The following MAST4 variants were observed in gnomAD, a reference collection of about 807,000 sequenced individuals.
The protein encoded by MAST4 is microtubule-associated serine/threonine-protein kinase 4.
A neutral mutation model predicts 162.7 loss-of-function variants in MAST4; 89 were observed. The ratio of observed to expected loss-of-function variants is 0.55; its 90% CI spans 0.46 to 0.65. MAST4 has a LOEUF of 0.65. MAST4 is among the 30% of genes least tolerant of loss of function. MAST4 has a pLI of 0.00. For synonymous variants in MAST4, 1,479 were observed against 1,361.1 expected (o/e 1.09, Z -1.91); for missense variants, 3,153 against 3,374.0 (o/e 0.93, Z 1.62).
chr5:67,114,264 G>A (rs763890443), intron 12 of MAST4, 45 bp downstream of exon 12: 22 of 1,577,322 alleles, frequency 1.4e-5, no homozygotes, highest in Non-Finnish European at 1.6e-5. Flanking sequence ...CTTATGCACT[G>A]TCGCCTCATA....
At chr5:66,915,849 T>C (rs1764082540) in intron 4 of MAST4, among the ~76,000 whole-genome samples, 1 of 152,206 alleles carries the variant, frequency 6.6e-6, no homozygotes, top group African/African-American at 2.4e-5. Flanking sequence ...GTTTCCAGAG[T>C]TAATGGAAGA....
intron 3 of MAST4, among the ~76,000 whole-genome samples, chr5:66,837,880 ATATATATATATATATTTTTT>A (rs1273205794): frequency 2.9e-4 from 15 of 51,894 alleles, no homozygotes; most frequent in African/African-American, 5.3e-4. Flanking sequence ...ATATATATAT[ATATATATATATATATTTTTT>A]TTTTTTTTTT....
At chr5:66,991,637 A>G (rs1561510219) in intron 4 of MAST4, among the ~76,000 whole-genome samples, 1 of 152,338 alleles carries the variant, frequency 6.6e-6, no homozygotes, top group Non-Finnish European at 1.5e-5. Flanking sequence ...AAATCACTGG[A>G]TGGATCTTTC....
At chr5:66,781,284 G>A (rs991320492) in intron 2 of MAST4, among the ~76,000 whole-genome samples, 1 of 152,332 alleles carries the variant, frequency 6.6e-6, no homozygotes, top group Non-Finnish European at 1.5e-5. Context: ...CTGCTCCCAG[G>A]TTAGTGGTGG....
intron 1 of MAST4, among the ~76,000 whole-genome samples, chr5:66,722,640 T>C (rs1751288353): frequency 1.3e-5 from 2 of 152,170 alleles, no homozygotes; most frequent in Admixed American, 1.3e-4. Flanking sequence ...AATGAATATT[T>C]GTCAAATAAA....
chr5:66,965,596 G>A (rs1183574421), intron 4 of MAST4, among the ~76,000 whole-genome samples: 2 of 118,202 alleles, frequency 1.7e-5, no homozygotes, highest in Admixed American at 8.8e-5. Context: ...GCGGGGGGGG[G>A]GGCGGTGAAG....
chr5:67,066,950 C>CT (rs150494256), intron 5 of MAST4, among the ~76,000 whole-genome samples: 4,469 of 152,258 alleles, frequency 0.029, 218 homozygotes, highest in African/African-American at 0.1. Flanking sequence ...AGTACCTCTC[C>CT]AGTATGTTCT....
chr5:66,812,460 A>G (rs913377377), intron 3 of MAST4, among the ~76,000 whole-genome samples: 4 of 152,196 alleles, frequency 2.6e-5, no homozygotes, highest in Non-Finnish European at 5.9e-5. Context: ...ATGTTCACTT[A>G]GAGAGGTGGG....
intron 1 of MAST4, among the ~76,000 whole-genome samples, chr5:66,749,561 TCA>T (rs1753005085): frequency 6.6e-6 from 1 of 152,228 alleles, no homozygotes; most frequent in Admixed American, 6.5e-5. Context: ...TGATGTACAC[TCA>T]CAGAGATGTT....
At chr5:66,878,776 G>A (rs1761476657) in intron 3 of MAST4, among the ~76,000 whole-genome samples, 1 of 152,238 alleles carries the variant, frequency 6.6e-6, no homozygotes, top group Non-Finnish European at 1.5e-5. Flanking sequence ...AGGTAAAGCT[G>A]CAAAGCTGAT....
intron 1 of MAST4, among the ~76,000 whole-genome samples, chr5:66,640,683 C>T (rs573504461): frequency 6.6e-6 from 1 of 152,306 alleles, no homozygotes; most frequent in Admixed American, 6.5e-5. Flanking sequence ...AATAATACTG[C>T]CACGAACGTG....
At chr5:66,702,927 A>G (rs1749874064) in intron 1 of MAST4, among the ~76,000 whole-genome samples, 1 of 152,092 alleles carries the variant, frequency 6.6e-6, no homozygotes, top group East Asian at 1.9e-4. Flanking sequence ...AAGCGGGGAG[A>G]TCAGTGAAGA....
rs117937312 is a variant in MAST4, at chr5:66,666,739, C to T, written c.363+69721C>T. The stretch of plus-strand genomic sequence containing the variant: ...ATAATTCATGCAGCTGTGACTTTAT[C>T]GTTTTAAATATTACTTTCCTATAAA... On this transcript the variant is annotated intron_variant, in intron 1 of 28. Transcript: ENST00000403625. Among the ~76,000 whole-genome samples, 8 of 152,268 alleles carry T rather than the reference C, an allele frequency of 5.3e-5. No individual in the cohort carries two copies. The East Asian group carries it at 1.4e-3, about 26-fold the overall frequency.
intron 3 of MAST4, among the ~76,000 whole-genome samples, chr5:66,835,256 A>C (rs1757883835): frequency 6.6e-6 from 1 of 152,164 alleles, no homozygotes; most frequent in Non-Finnish European, 1.5e-5. Context: ...TCAGCACTAA[A>C]AAATTTCTCC....
intron 4 of MAST4, among the ~76,000 whole-genome samples, chr5:66,940,336 T>C (rs186692051): frequency 1.6e-3 from 236 of 152,234 alleles, no homozygotes; most frequent in African/African-American, 5.4e-3. Context: ...ACTCTTTCTT[T>C]CACAAAAGAT....
At chr5:66,897,511 A>T (rs1453968504) in intron 3 of MAST4, among the ~76,000 whole-genome samples, 3 of 152,200 alleles carry the variant, frequency 2.0e-5, no homozygotes, top group African/African-American at 7.2e-5. Flanking sequence ...AGACTTTTGC[A>T]GCTATTGTTC....
In MAST4 at chr5:67,166,242, G is replaced by C; in HGVS notation, c.7063G>C (p.Asp2355His). Residue 2355 changes from aspartate (D) to histidine (H), a missense_variant, in exon 29 of 29, where the codon GAC (aspartate) becomes CAC (histidine). Physicochemically the swap from Asp to His is moderately conservative, Grantham distance 81. Around this residue, in one of 7 missense-constraint regions of MAST4, gnomAD observed 1,644 missense variants for 1,495.0 expected, o/e 1.10. Transcript: ENST00000403625. Reference protein sequence around the residue: ...LCKQTDNRQTDKSPSQPAANT... With the variant: ...LCKQTDNRQTHKSPSQPAANT... ...CAAACAGACAGACAACAGACAGACAGACAAAAGCCCGAGTCAGCCGGCCGC... is the reference window on the plus strand; with the variant it reads ...CAAACAGACAGACAACAGACAGACACACAAAAGCCCGAGTCAGCCGGCCGC... 6.4e-7 allele frequency: 1 copy of C among 1,552,536 alleles called. No homozygotes were observed. The highest frequency in any genetic ancestry group is 8.7e-7 in the Non-Finnish European group (1 of 1,147,468).
At chr5:67,018,420 C>G (rs535598646) in intron 4 of MAST4, among the ~76,000 whole-genome samples, 1 of 152,138 alleles carries the variant, frequency 6.6e-6, no homozygotes, top group South Asian at 2.1e-4. Context: ...GAGACTGAGG[C>G]AGGAGGATTG....
intron 6 of MAST4, 126 bp downstream of exon 6, chr5:67,090,357 T>G: frequency 9.1e-6 from 3 of 329,926 alleles, no homozygotes; most frequent in African/African-American, 5.0e-5. Context: ...CCACTTCCCC[T>G]TCCCCCCACT....
Sources: allele counts gnomAD v4.1 joint callset (sites outside exome capture counted in the v4.1 genomes callset), GRCh38; gene constraint gnomAD v4.1.1; regional missense constraint gnomAD v4.1.1; transcripts MANE v1.5; gene names NCBI Gene and HGNC (gene_info 2026-07-23, HGNC 2026-07-21).